The following CARS1 variants were observed in gnomAD, a reference collection of about 807,000 sequenced individuals.
CARS1 encodes cysteinyl-tRNA synthetase 1, also known as cysteine--tRNA ligase, cytoplasmic.
Under a neutral mutation model 106.2 loss-of-function variants are expected in CARS1, and 48 were observed. The ratio of observed to expected loss-of-function variants is 0.45; its 90% CI spans 0.36 to 0.57. The LOEUF is 0.57. Among genes scored for constraint, CARS1 ranks in the 20% least tolerant of loss-of-function variants. The probability of loss-of-function intolerance (pLI) is 0.00; values close to 1 mark genes in which losing one functional copy is unlikely to be tolerated. For missense variants in CARS1, 968 were observed against 1,057.2 expected (o/e 0.92, Z 1.17); for synonymous variants, 409 against 403.4 (o/e 1.01, Z -0.17).
Position 3,039,898 on chromosome 11 carries a change from C to T in CARS1, c.489G>A (p.Val163=), listed in dbSNP as rs540529754. 87 of 1,590,530 alleles carry T rather than the reference C, an allele frequency of 5.5e-5. No homozygotes were observed. Among genetic ancestry groups the T allele is most frequent in the South Asian group, 2.3e-4 (20 of 87,470 alleles). Residue 163 remains valine, a synonymous_variant, in exon 5 of 23, where the codon GTG becomes GTA. Coordinates refer to ENST00000380525, the MANE Select transcript of CARS1 (RefSeq NM_001014437.3). The surrounding 1 kb of genome is among the most constrained non-coding windows in gnomAD (Gnocchi z 5.6). The stretch of plus-strand genomic sequence containing the variant: ...CATCAAATTTGAAGTAATCCTTCAA[C>T]ACTCTTCTCAAGATATCAAAAGAGA... ...SYISFDILRR[V]LKDYFKFDVF... is the part of the protein sequence containing the mutation.
chr11:3,007,097 C>T (rs888305793), intron 18 of CARS1, 138 bp from the exon 19 acceptor site: 3 of 702,610 alleles, frequency 4.3e-6, no homozygotes, highest in Non-Finnish European at 7.4e-6. Flanking sequence ...AGGGAGGGGC[C>T]CCGGCCCACA....
intron 16 of CARS1, 151 bp downstream of exon 16, chr11:3,016,955 A>G: frequency 1.7e-6 from 1 of 605,872 alleles, no homozygotes; most frequent in Admixed American, 3.0e-5. Context: ...CCAGGAACCA[A>G]AGAGGACAGA....
chr11:3,029,291 C>T lies in CARS1; in HGVS notation c.942+12G>A, dbSNP rs766118128. ...CGCAAGAGAGCCAGCACAAGACAAT[C>T]GTGACACTTACATTCAGAGCTTCCA... is the stretch of plus-strand genomic sequence containing the variant. On this transcript the variant is annotated intron_variant, in intron 8 of 22. Coordinates refer to ENST00000380525, the MANE Select transcript of CARS1 (RefSeq NM_001014437.3). This position sits in a 1 kb window ranked among gnomAD's most constrained non-coding sequence, Gnocchi z 5.9. 23 of 1,613,544 alleles carry T rather than the reference C, an allele frequency of 1.4e-5. No homozygotes were observed. The highest frequency in any genetic ancestry group is 1.3e-4 in the Admixed American group (8 of 59,986).
At position 3,004,911 on chromosome 11, in the gene CARS1, G is replaced by T. The variant is rs534416614; in HGVS notation, c.2217+455C>A. 6.6e-6 allele frequency among the ~76,000 whole-genome samples: 1 copy of T among 152,168 alleles called. No homozygotes were observed. Among genetic ancestry groups the T allele is most frequent in the South Asian group, 2.1e-4 (1 of 4,820 alleles). On this transcript the variant is annotated intron_variant, in intron 20 of 22. Transcript: ENST00000380525. The surrounding 1 kb of genome is among the most constrained non-coding windows in gnomAD (Gnocchi z 5.2). Reference sequence around the variant, plus strand: ...TCACGAGGTCAGGAGATTGAGACCAGCCTGACCAACATGGTGAAACCCCAT... The same window carrying T: ...TCACGAGGTCAGGAGATTGAGACCATCCTGACCAACATGGTGAAACCCCAT...
chr11:3,033,355 G>A (rs982326274), intron 7 of CARS1, among the ~76,000 whole-genome samples: 5 of 152,080 alleles, frequency 3.3e-5, no homozygotes, highest in Non-Finnish European at 7.4e-5. Flanking sequence ...GATCCAGATT[G>A]GGACAGACCA....
intron 17 of CARS1, among the ~76,000 whole-genome samples, chr11:3,015,282 C>T (rs569718446): frequency 1.3e-3 from 205 of 152,342 alleles, no homozygotes; most frequent in African/African-American, 4.5e-3. Flanking sequence ...CCATGTGGAC[C>T]GACCTGGGCT....
chr11:3,037,036 C>G lies in CARS1; in HGVS notation c.801+1014G>C, dbSNP rs1853735429. On this transcript the variant is annotated intron_variant, in intron 7 of 22. Transcript: ENST00000380525. The surrounding 1 kb of genome is among the most constrained non-coding windows in gnomAD (Gnocchi z 5.9). ...AAAAAAAAAAAGAATATTAGTGGAA[C>G]AACTGGGAAAAAAATTACAGCAGCA... Among the ~76,000 whole-genome samples the G allele has an allele frequency of 6.6e-6, 1 of 151,414 alleles. No homozygotes were observed. Among genetic ancestry groups the G allele is most frequent in the African/African-American group, 2.4e-5 (1 of 41,164 alleles).
At position 3,028,934 on chromosome 11, in the gene CARS1, G is replaced by A. The variant is rs894201486; in HGVS notation, c.1031+62C>T. 3 of 1,134,800 alleles carry A rather than the reference G, an allele frequency of 2.6e-6. No individual in the cohort carries two copies. Among genetic ancestry groups the A allele is most frequent in the Non-Finnish European group, 4.0e-6 (3 of 747,084 alleles). The allele number at this position is 1,134,800 out of a possible 1,614,324, so 70.3% of individuals were successfully genotyped here. On this transcript the variant is annotated intron_variant, in intron 9 of 22. Transcript: ENST00000380525. This position sits in a 1 kb window ranked among gnomAD's most constrained non-coding sequence, Gnocchi z 4.4. Reference sequence around the variant, plus strand: ...TCCCAAACTCAGGCTCAGAGCTGGGGAGCTCCTCCCTGTGCGATGTTCTGC... The same window carrying A: ...TCCCAAACTCAGGCTCAGAGCTGGGAAGCTCCTCCCTGTGCGATGTTCTGC...
At chr11:3,056,759 C>G (rs115562382) in intron 1 of CARS1, among the ~76,000 whole-genome samples, 6 of 152,308 alleles carry the variant, frequency 3.9e-5, no homozygotes, top group African/African-American at 4.8e-5. Context: ...TTTGTCTCCC[C>G]CCTAAAGGCC....
chr11:3,015,581 C>T (rs565615278), intron 17 of CARS1, among the ~76,000 whole-genome samples, 200 bp downstream of exon 17: 134 of 152,314 alleles, frequency 8.8e-4, no homozygotes, highest in African/African-American at 3.1e-3. Flanking sequence ...CAGTCACAAC[C>T]AAAGCAGACC....
chr11:3,041,828 C>T lies in CARS1; in HGVS notation c.366+337G>A, dbSNP rs1432733027. 1.3e-5 allele frequency among the ~76,000 whole-genome samples: 2 copies of T among 152,160 alleles called. No homozygotes were observed. The highest frequency in any genetic ancestry group is 4.8e-5 in the African/African-American group (2 of 41,416). On this transcript the variant is annotated intron_variant, in intron 3 of 22. Coordinates refer to ENST00000380525, the MANE Select transcript of CARS1 (RefSeq NM_001014437.3). The surrounding 1 kb of genome is among the most constrained non-coding windows in gnomAD (Gnocchi z 4.9). ...CATACAGTGCCACCTGCTGCAACCA[C>T]GCGTCCTCCTGAAAGGCGTGGCTGT...
rs1356956393 is a variant in CARS1 at position 3,040,023 on chromosome 11, A to C, written c.456-92T>G. On this transcript the variant is annotated intron_variant, in intron 4 of 22. Transcript: ENST00000380525. This position sits in a 1 kb window ranked among gnomAD's most constrained non-coding sequence, Gnocchi z 5.8. Reference sequence around the variant, plus strand: ...GTGTTTGAACTGCATGAGTGCATTTATATATGATTTTCTCTGCCATCCCTG... The same window carrying C: ...GTGTTTGAACTGCATGAGTGCATTTCTATATGATTTTCTCTGCCATCCCTG... 4.6e-6 allele frequency: 3 copies of C among 652,242 alleles called. No individual in the cohort carries two copies. The highest frequency in any genetic ancestry group is 7.9e-6 in the Non-Finnish European group (3 of 380,724). The allele number at this position is 652,242 out of a possible 1,614,324, so 40.4% of individuals were successfully genotyped here. A position where few individuals can be genotyped will look rare whatever the true frequency, so the allele number is the denominator to read the frequency against.
rs1263901633 is a variant in CARS1 at position 3,047,668 on chromosome 11, G to A, written c.274+85C>T. On this transcript the variant is annotated intron_variant, in intron 2 of 22. Coordinates refer to ENST00000380525, the MANE Select transcript of CARS1 (RefSeq NM_001014437.3). ...GGCTCCCTCTGGGGTATCCGCAGAC[G>A]CCAGGTAAGCACCAGGGTGATGGAG... The A allele has an allele frequency of 7.8e-5, 118 of 1,509,054 alleles. No homozygotes were observed. In the East Asian group the frequency reaches 8.0e-4, roughly 10 times the overall value. 93.5% of individuals were successfully genotyped at this position (1,509,054 alleles called of 1,614,324 possible).
At position 3,052,009 on chromosome 11, in the gene CARS1, G is replaced by A. The variant is rs536276381; in HGVS notation, c.26-4008C>T. 7.2e-5 allele frequency among the ~76,000 whole-genome samples: 11 copies of A among 152,376 alleles called. No individual in the cohort carries two copies. In the South Asian group the frequency reaches 8.3e-4, roughly 11 times the overall value. On this transcript the variant is annotated intron_variant, in intron 1 of 22. Coordinates refer to ENST00000380525, the MANE Select transcript of CARS1 (RefSeq NM_001014437.3). The surrounding 1 kb of genome is among the most constrained non-coding windows in gnomAD (Gnocchi z 4.6). ...CAACAGCCCGAACACTGACAGTGACGATGGTTGATGAGAGGGGGTGACAGG... is the reference window on the plus strand; with the variant it reads ...CAACAGCCCGAACACTGACAGTGACAATGGTTGATGAGAGGGGGTGACAGG...
In CARS1 at chr11:3,006,975, A is replaced by G; in HGVS notation, c.2069-16T>C. On this transcript the variant is annotated splice_polypyrimidine_tract_variant and intron_variant, in intron 18 of 22. Transcript: ENST00000380525. ...ATCTCAGGGACTGTAGGAGAAGCAG[A>G]GCAGTTCCCTCAGACATGGAGGAGC... 6.2e-7 allele frequency: 1 copy of G among 1,609,202 alleles called. No individual in the cohort carries two copies. The highest frequency in any genetic ancestry group is 8.5e-7 in the Non-Finnish European group (1 of 1,175,932).
At chr11:3,011,018 C>T (rs1850397211) in intron 18 of CARS1, among the ~76,000 whole-genome samples, 1 of 152,222 alleles carries the variant, frequency 6.6e-6, no homozygotes, top group Admixed American at 6.5e-5. Context: ...GAGTAGCACT[C>T]GAGGTCAGTG....
chr11:3,029,227 G>A lies in CARS1; in HGVS notation c.942+76C>T, dbSNP rs1273139473. On this transcript the variant is annotated intron_variant, in intron 8 of 22. Transcript: ENST00000380525. This position sits in a 1 kb window ranked among gnomAD's most constrained non-coding sequence, Gnocchi z 5.9. ...TTGACTTGGCCGCTTAATTGAGCTG[G>A]CCTTGCCAAAACAGGAATTTAGAAA... is the stretch of plus-strand genomic sequence containing the variant. The A allele has an allele frequency of 1.0e-4, 162 of 1,550,580 alleles. No individual in the cohort carries two copies. Among genetic ancestry groups the A allele is most frequent in the Non-Finnish European group, 1.4e-4 (157 of 1,125,198 alleles).
rs1022175920 is a variant in CARS1 at position 3,017,665 on chromosome 11, A to G, written c.1727+192T>C. The G allele has an allele frequency of 2.6e-5, 15 of 572,746 alleles. No homozygotes were observed. In the Admixed American group the frequency reaches 4.0e-4, roughly 15 times the overall value. 35.5% of individuals were successfully genotyped at this position (572,746 alleles called of 1,614,324 possible). ...TCTCAAAAAGAAAAAACAAAAAAGA[A>G]ATTCTCCATGCACTTCAACACCCAG... On this transcript the variant is annotated intron_variant, in intron 15 of 22. Transcript: ENST00000380525. This position sits in a 1 kb window ranked among gnomAD's most constrained non-coding sequence, Gnocchi z 4.9.
At chr11:3,055,439 C>A (rs1856109467) in intron 1 of CARS1, among the ~76,000 whole-genome samples, 1 of 152,222 alleles carries the variant, frequency 6.6e-6, no homozygotes, top group Non-Finnish European at 1.5e-5. Flanking sequence ...CTGCGCCTGG[C>A]CTACGATTGG....
Sources: gnomAD v4.1 joint callset for allele counts (sites outside exome capture counted in the v4.1 genomes callset) on GRCh38, gnomAD v4.1.1 for gene constraint, Gnocchi (gnomAD v3.1) non-coding constraint, MANE v1.5 for transcripts, NCBI Gene and HGNC (gene_info 2026-07-23, HGNC 2026-07-21) for gene names.